BCAT1: variants seen among roughly 807,000 people sequenced by gnomAD.
The protein encoded by BCAT1 is branched chain amino acid transaminase 1.
BCAT1 carries 48 observed loss-of-function variants against 52.4 expected under a neutral mutation model. That is an observed-to-expected ratio of 0.92 (90% CI 0.73 to 1.16). BCAT1 has a LOEUF of 1.16. Among genes scored for constraint, BCAT1 ranks in the 50% most tolerant of loss-of-function variants. The probability of loss-of-function intolerance (pLI) is 0.00; values close to 1 mark genes in which losing one functional copy is unlikely to be tolerated. For synonymous variants in BCAT1, 167 were observed against 161.3 expected, an observed-to-expected ratio of 1.04 and a Z score of -0.27; for missense variants, 451 against 457.1, an observed-to-expected ratio of 0.99 and a Z score of 0.12.
intron 4 of BCAT1, among the ~76,000 whole-genome samples, chr12:24,880,344 A>G (rs1041663947): frequency 2.0e-4 from 31 of 152,212 alleles, no homozygotes; most frequent in Admixed American, 2.0e-4. Context: ...GTAATCCCAG[A>G]TACTAAGGAG....
At position 24,814,945 on chromosome 12, in the gene BCAT1, T is replaced by C. The variant is rs1415487472; in HGVS notation, c.*3063A>G. 1 of 152,146 alleles carries C rather than the reference T, an allele frequency of 6.6e-6. No homozygotes were observed. The highest frequency in any genetic ancestry group is 1.5e-5 in the Non-Finnish European group (1 of 68,008). The allele number at this position is 152,146 out of a possible 1,614,324, so 9.4% of individuals were successfully genotyped here. ...GTTTCTCTTTCCCTTTCACTTTTCC[T>C]TTGTGCTTTTGAAAACAAAGGCTAA... On this transcript the variant is annotated 3_prime_UTR_variant, in exon 11 of 11. Coordinates refer to ENST00000261192, the MANE Select transcript of BCAT1 (RefSeq NM_005504.7).
intron 2 of BCAT1, among the ~76,000 whole-genome samples, chr12:24,897,640 G>A (rs1274040913): frequency 3.3e-5 from 5 of 152,054 alleles, no homozygotes; most frequent in Non-Finnish European, 7.4e-5. Context: ...TGCAACCTCC[G>A]CCTCCCAGGT....
intron 5 of BCAT1, among the ~76,000 whole-genome samples, chr12:24,873,463 A>G (rs1312679622): frequency 1.3e-5 from 2 of 152,206 alleles, no homozygotes; most frequent in African/African-American, 4.8e-5. Context: ...CATAATATCC[A>G]ACAAAGTACA....
intron 3 of BCAT1, among the ~76,000 whole-genome samples, chr12:24,887,111 A>ATATATATATATATATATATATAT (rs1942702628): frequency 7.9e-6 from 1 of 127,214 alleles, no homozygotes; most frequent in Non-Finnish European, 1.7e-5. Flanking sequence ...ATATATATAT[A>ATATATATATATATATATATATAT]AAGCTGATAA....
At chr12:24,867,316 G>T (rs1942049843) in intron 5 of BCAT1, among the ~76,000 whole-genome samples, 1 of 146,764 alleles carries the variant, frequency 6.8e-6, no homozygotes, top group African/African-American at 2.5e-5. Context: ...ACGCTACCAT[G>T]TTTTACAGAC....
intron 1 of BCAT1, among the ~76,000 whole-genome samples, chr12:24,944,709 T>C (rs1943910557): frequency 6.6e-6 from 1 of 152,234 alleles, no homozygotes; most frequent in African/African-American, 2.4e-5. Flanking sequence ...AACTGACAAA[T>C]GAATTTGTTC....
chr12:24,876,258 T>A (rs1942332709), intron 5 of BCAT1, among the ~76,000 whole-genome samples: 2 of 68,748 alleles, frequency 2.9e-5, no homozygotes, highest in African/African-American at 5.4e-5. Context: ...AGGAGGGAGA[T>A]GTAAAAAAAA....
rs533864283 is a variant in BCAT1, at chr12:24,943,711, G to A, written c.6+5216C>T. Among the ~76,000 whole-genome samples, 707 of 152,256 alleles carry A rather than the reference G, an allele frequency of 4.6e-3. 15 individuals carry two copies. The highest frequency in any genetic ancestry group is 0.02 in the East Asian group (103 of 5,178). On this transcript the variant is annotated intron_variant, in intron 1 of 10. Coordinates refer to ENST00000261192, the MANE Select transcript of BCAT1 (RefSeq NM_005504.7). ...CAGTTAAAGTAGTTTGAGGCCGGGA[G>A]CGGTGGCTCACGCCTGTAATCCCAG... is the stretch of plus-strand genomic sequence containing the variant.
rs1412397695 is a variant in BCAT1 at position 24,815,488 on chromosome 12, A to T, written c.*2520T>A. The T allele has an allele frequency of 6.6e-6, 1 of 152,646 alleles. No individual in the cohort carries two copies. The highest frequency in any genetic ancestry group is 1.5e-5 in the Non-Finnish European group (1 of 68,034). The allele number at this position is 152,646 out of a possible 1,614,324, so 9.5% of individuals were successfully genotyped here. On this transcript the variant is annotated 3_prime_UTR_variant, in exon 11 of 11. Transcript: ENST00000261192. ...TTAGTGTGACAATAACTAAGTCTTGAAGAATGGATAATTGCCTAGTTATAA... is the reference window on the plus strand; with the variant it reads ...TTAGTGTGACAATAACTAAGTCTTGTAGAATGGATAATTGCCTAGTTATAA...
chr12:24,902,883 C>T (rs1460363529), intron 1 of BCAT1: 1 of 1,512,296 alleles, frequency 6.6e-7, no homozygotes, highest in Non-Finnish European at 8.8e-7. Flanking sequence ...CGGCCAGGCC[C>T]GCGAGCTACC....
At chr12:24,938,468 A>G (rs1943799919) in intron 1 of BCAT1, among the ~76,000 whole-genome samples, 2 of 152,022 alleles carry the variant, frequency 1.3e-5, no homozygotes, top group African/African-American at 4.8e-5. Flanking sequence ...GCATCAAGAG[A>G]GTGAAGGTGA....
chr12:24,875,844 G>A (rs146618514), intron 5 of BCAT1, among the ~76,000 whole-genome samples: 372 of 152,232 alleles, frequency 2.4e-3, no homozygotes, highest in Admixed American at 4.2e-3. Context: ...CTGAATCATG[G>A]AATTAGATAC....
rs541309206 is a variant in BCAT1 at position 24,850,013 on chromosome 12, G to A, written c.511-64C>T. 6 of 1,383,232 alleles carry A rather than the reference G, an allele frequency of 4.3e-6. No individual in the cohort carries two copies. In the African/African-American group the frequency reaches 5.8e-5, roughly 13 times the overall value. The allele number at this position is 1,383,232 out of a possible 1,614,324, so 85.7% of individuals were successfully genotyped here. On this transcript the variant is annotated intron_variant, in intron 5 of 10. Coordinates refer to ENST00000261192, the MANE Select transcript of BCAT1 (RefSeq NM_005504.7). ...ATGTGGACACCAGTCTTAAAGTCTA[G>A]AATAGATTTATATCTGTCTCCCAGA...
chr12:24,944,643 G>A (rs960426850), intron 1 of BCAT1, among the ~76,000 whole-genome samples: 20 of 152,160 alleles, frequency 1.3e-4, no homozygotes, highest in African/African-American at 4.8e-4. Flanking sequence ...CTCACACTGA[G>A]GGATAAACCG....
At chr12:24,854,921 C>T (rs182485383) in intron 5 of BCAT1, among the ~76,000 whole-genome samples, 3 of 152,162 alleles carry the variant, frequency 2.0e-5, no homozygotes, top group African/African-American at 2.4e-5. Context: ...GCTTTCTTCC[C>T]GCTGAGCCTT....
chr12:24,858,841 T>C (rs1168465923), intron 5 of BCAT1, among the ~76,000 whole-genome samples: 4 of 152,150 alleles, frequency 2.6e-5, no homozygotes, highest in Non-Finnish European at 5.9e-5. Flanking sequence ...GTTTACAGAG[T>C]TAAAAGACTG....
chr12:24,811,066 T>G lies in BCAT1; in HGVS notation c.*6942A>C, dbSNP rs146311625. 1 of 152,312 alleles carries G rather than the reference T, an allele frequency of 6.6e-6. No individual in the cohort carries two copies. Among genetic ancestry groups the G allele is most frequent in the Non-Finnish European group, 1.5e-5 (1 of 68,016 alleles). The allele number at this position is 152,312 out of a possible 1,614,324, so 9.4% of individuals were successfully genotyped here. A position where few individuals can be genotyped will look rare whatever the true frequency, so the allele number is the denominator to read the frequency against. On this transcript the variant is annotated 3_prime_UTR_variant, in exon 11 of 11. Transcript: ENST00000261192. ...CTACTCCCCCCATTCTGTGCAAATC[T>G]CAAACGACAAAGCTAAGTTTTACTA...
chr12:24,880,078 G>A (rs1454512024), intron 4 of BCAT1, among the ~76,000 whole-genome samples: 1 of 152,112 alleles, frequency 6.6e-6, no homozygotes. Flanking sequence ...GGTGAAATGC[G>A]GGTTACAAAA....
intron 1 of BCAT1, among the ~76,000 whole-genome samples, chr12:24,914,794 C>A (rs1194111152): frequency 6.6e-6 from 1 of 152,136 alleles, no homozygotes; most frequent in East Asian, 1.9e-4. Flanking sequence ...CTAAAGCCTG[C>A]AGGGCTTGGT....
Sources: allele counts gnomAD v4.1 joint callset (sites outside exome capture counted in the v4.1 genomes callset), GRCh38; gene constraint gnomAD v4.1.1; transcripts MANE v1.5; gene names NCBI Gene and HGNC (gene_info 2026-07-23, HGNC 2026-07-21).